The following ASTN1 variants were observed in gnomAD, a reference collection of about 807,000 sequenced individuals.
ASTN1 encodes astrotactin 1, also known as astrotactin-1.
In ASTN1, 41 loss-of-function variants were observed where a neutral mutation model predicts 140.7. The ratio of observed to expected loss-of-function variants is 0.29; its 90% confidence interval spans 0.23 to 0.38. The LOEUF (loss-of-function observed/expected upper bound fraction) is 0.38, where lower values mean the gene tolerates loss of function less well. ASTN1 is among the 10% of genes least tolerant of loss of function. The pLI, the probability that ASTN1 is intolerant of heterozygous loss-of-function variation, is 1.00. For synonymous variants in ASTN1, 640 were observed against 652.2 expected (o/e 0.98, Z 0.29); for missense variants, 1,479 against 1,678.8 (o/e 0.88, Z 2.08).
chr1:177,116,404 C>T (rs1681094195), intron 1 of ASTN1, among the ~76,000 whole-genome samples: 1 of 152,110 alleles, frequency 6.6e-6, no homozygotes, highest in Admixed American at 6.6e-5. Flanking sequence ...AATCGAAATA[C>T]TTTTTCTATA....
chr1:177,061,221 G>C lies in ASTN1; in HGVS notation c.328C>G (p.Gln110Glu). 1 of 1,600,218 alleles carries C rather than the reference G, an allele frequency of 6.2e-7. No individual in the cohort carries two copies. Residue 110 changes from glutamine to glutamate, a missense_variant, in exon 2 of 23, where the codon CAG becomes GAG. Transcript: ENST00000361833. ...AAAGTGCCATTCTCCAGCCACTGCT[G>C]CCTCCAGCGCACCAAAGGGATATCC... Reference protein sequence around the residue: ...TEDIPLVRWRQQWLENGTLLF... With the variant: ...TEDIPLVRWREQWLENGTLLF...
intron 8 of ASTN1, among the ~76,000 whole-genome samples, chr1:176,993,755 A>G (rs989665989): frequency 6.6e-6 from 1 of 152,068 alleles, no homozygotes; most frequent in South Asian, 2.1e-4. Context: ...TGTATATCTA[A>G]ATCTCTCTTT....
At chr1:176,958,692 G>T (rs1457156718) in intron 9 of ASTN1, among the ~76,000 whole-genome samples, 1 of 152,232 alleles carries the variant, frequency 6.6e-6, no homozygotes, top group Non-Finnish European at 1.5e-5. Flanking sequence ...AACTGATTAT[G>T]GTGCCTACTC....
intron 14 of ASTN1, among the ~76,000 whole-genome samples, chr1:176,936,650 C>G (rs77185196): frequency 9.2e-5 from 14 of 152,124 alleles, no homozygotes; most frequent in Non-Finnish European, 1.8e-4. Flanking sequence ...ATGAGAAAAT[C>G]GAGGCTCTAA....
At chr1:177,020,069 T>G (rs1675747622) in intron 7 of ASTN1, among the ~76,000 whole-genome samples, 1 of 152,076 alleles carries the variant, frequency 6.6e-6, no homozygotes, top group Non-Finnish European at 1.5e-5. Context: ...GTATTTTTAT[T>G]AGAGATGGGG....
chr1:177,007,798 A>G (rs1210136906), intron 8 of ASTN1, among the ~76,000 whole-genome samples: 2 of 152,208 alleles, frequency 1.3e-5, no homozygotes, highest in Non-Finnish European at 2.9e-5. Context: ...AAATGACCAC[A>G]GTTCAGCACT....
intron 2 of ASTN1, among the ~76,000 whole-genome samples, chr1:177,056,562 C>CATATATAT (rs146444597): frequency 3.6e-4 from 49 of 136,314 alleles, no homozygotes; most frequent in Non-Finnish European, 4.9e-4. Flanking sequence ...AGAAAAATTT[C>CATATATAT]ATATATATAT....
chr1:177,137,742 A>G (rs1682266389), intron 1 of ASTN1, among the ~76,000 whole-genome samples: 2 of 152,112 alleles, frequency 1.3e-5, no homozygotes, highest in Non-Finnish European at 2.9e-5. Context: ...GTCCAGCCAA[A>G]CTGAACCTGG....
At chr1:177,108,860 G>A (rs1680678404) in intron 1 of ASTN1, among the ~76,000 whole-genome samples, 1 of 152,154 alleles carries the variant, frequency 6.6e-6, no homozygotes, top group South Asian at 2.1e-4. Flanking sequence ...AAGTTATATA[G>A]TTGTAGGCAT....
At chr1:177,092,971 T>A (rs529138148) in intron 1 of ASTN1, among the ~76,000 whole-genome samples, 328 of 152,280 alleles carry the variant, frequency 2.2e-3, no homozygotes, top group Middle Eastern at 3.4e-3. Context: ...TCCTTGACTG[T>A]TAAAGAAGTT....
chr1:176,967,134 C>T (rs959641793), intron 8 of ASTN1, among the ~76,000 whole-genome samples: 1 of 152,104 alleles, frequency 6.6e-6, no homozygotes, highest in South Asian at 2.1e-4. Context: ...TTCATAAATG[C>T]ATTATTCCTG....
intron 20 of ASTN1, among the ~76,000 whole-genome samples, chr1:176,880,766 A>G (rs1009496200): frequency 6.6e-6 from 1 of 152,214 alleles, no homozygotes; most frequent in African/African-American, 2.4e-5. Context: ...ACAGTAACCT[A>G]GAGCAGCAGG....
rs576286194 is a variant in ASTN1 at position 177,162,917 on chromosome 1, A to T, written c.283+1477T>A. Among the ~76,000 whole-genome samples the T allele has an allele frequency of 3.3e-5, 5 of 152,322 alleles. No individual in the cohort carries two copies. The East Asian group carries it at 9.7e-4, about 29-fold the overall frequency. ...GGTATTTTTGAAAGCAAAAATAAAT[A>T]ATCCTATCAAGAGCATAGGTTGGGT... On this transcript the variant is annotated intron_variant, in intron 1 of 22. Transcript: ENST00000361833.
chr1:177,158,133 A>G (rs955677576), intron 1 of ASTN1, among the ~76,000 whole-genome samples: 2 of 152,220 alleles, frequency 1.3e-5, no homozygotes, highest in Non-Finnish European at 2.9e-5. Flanking sequence ...TTTCAGTTGT[A>G]CTATATAATA....
At chr1:176,911,195 A>C (rs1279168863) in intron 16 of ASTN1, among the ~76,000 whole-genome samples, 1 of 152,174 alleles carries the variant, frequency 6.6e-6, no homozygotes, top group Admixed American at 6.5e-5. Flanking sequence ...TGTAAAGGGC[A>C]CTTACCGTGA....
At position 177,097,024 on chromosome 1, in the gene ASTN1, T is replaced by C. The variant is rs535371036; in HGVS notation, c.284-35759A>G. 9.9e-5 allele frequency among the ~76,000 whole-genome samples: 15 copies of C among 152,038 alleles called. 1 individual carries two copies. The South Asian group carries it at 1.9e-3, about 19-fold the overall frequency. On this transcript the variant is annotated intron_variant, in intron 1 of 22. Coordinates refer to ENST00000361833, the MANE Select transcript of ASTN1 (RefSeq NM_004319.3). ...TTGGACTTCTCAGCCTCCACAGCCATGAGAAATGAATTTCTGCTTTTTTTT... is the reference window on the plus strand; with the variant it reads ...TTGGACTTCTCAGCCTCCACAGCCACGAGAAATGAATTTCTGCTTTTTTTT...
chr1:176,904,236 C>T (rs1669889285), intron 16 of ASTN1, among the ~76,000 whole-genome samples: 1 of 152,146 alleles, frequency 6.6e-6, no homozygotes, highest in Non-Finnish European at 1.5e-5. Flanking sequence ...CATGTAGGGG[C>T]TTGCAGTCCA....
At chr1:177,004,629 A>G (rs564452279) in intron 8 of ASTN1, among the ~76,000 whole-genome samples, 1 of 152,286 alleles carries the variant, frequency 6.6e-6, no homozygotes, top group Admixed American at 6.5e-5. Context: ...AAAAGTAGAT[A>G]TACAGGCCAA....
chr1:177,120,680 C>T (rs1183182195), intron 1 of ASTN1, among the ~76,000 whole-genome samples: 1 of 152,132 alleles, frequency 6.6e-6, no homozygotes, highest in Non-Finnish European at 1.5e-5. Context: ...TTTGCCCTTC[C>T]TATCTCACTC....
Sources: gnomAD v4.1 joint callset for allele counts (sites outside exome capture counted in the v4.1 genomes callset) on GRCh38, gnomAD v4.1.1 for gene constraint, MANE v1.5 for transcripts, NCBI Gene and HGNC (gene_info 2026-07-23, HGNC 2026-07-21) for gene names.